Variants in ICE1 observed in about 807,000 individuals in gnomAD.
The protein encoded by ICE1 is interactor of little elongation complex ELL subunit 1.
ICE1 carries 64 observed loss-of-function variants against 192.7 expected under a neutral mutation model. The observed-to-expected ratio is 0.33, with a 90% CI of 0.27 to 0.41. The LOEUF is 0.41. Among genes scored for constraint, ICE1 ranks in the 10% least tolerant of loss-of-function variants. The pLI is 1.00. For synonymous variants in ICE1, 1,010 were observed against 984.5 expected (o/e 1.03, Z -0.49); for missense variants, 2,708 against 2,696.0 (o/e 1.00, Z -0.10).
Position 5,461,085 on chromosome 5 carries a change from A to G in ICE1, c.1751A>G (p.His584Arg), listed in dbSNP as rs903980628. 2 of 1,613,926 alleles carry G rather than the reference A, an allele frequency of 1.2e-6. No individual in the cohort carries two copies. The highest frequency in any genetic ancestry group is 8.5e-7 in the Non-Finnish European group (1 of 1,179,906). The change falls in exon 13 of 19, where the codon CAT becomes CGT. Residue 584 changes from histidine to arginine, a missense_variant. By Grantham distance (29) the His-to-Arg change is conservative. Coordinates refer to ENST00000296564, the MANE Select transcript of ICE1 (RefSeq NM_015325.3). ...SEPDRITVSG[H>R]FHRLSRELEK... is the part of the protein sequence containing the mutation. ...CCAGACCGTATCACAGTTTCTGGCC[A>G]TTTTCACAGACTATCTAGAGAATTG... is the stretch of plus-strand genomic sequence containing the variant.
chr5:5,439,616 G>C (rs1737978987), intron 3 of ICE1, among the ~76,000 whole-genome samples: 1 of 152,094 alleles, frequency 6.6e-6, no homozygotes, highest in African/African-American at 2.4e-5. Context: ...ATATTGCTTT[G>C]TCTTTCTTTT....
intron 14 of ICE1, among the ~76,000 whole-genome samples, chr5:5,467,798 A>T (rs1457210888): frequency 6.6e-6 from 1 of 152,240 alleles, no homozygotes; most frequent in South Asian, 2.1e-4. Flanking sequence ...AACTAAAAAG[A>T]TGTGATTGTA....
Position 5,422,878 on chromosome 5 carries a change from C to A in ICE1, c.-38C>A. The A allele has an allele frequency of 7.5e-7, 1 of 1,329,530 alleles. No individual in the cohort carries two copies. The highest frequency in any genetic ancestry group is 9.6e-7 in the Non-Finnish European group (1 of 1,040,920). The allele number at this position is 1,329,530 out of a possible 1,614,324, so 82.4% of individuals were successfully genotyped here. ...AGGACGGGGCCGACGCCGCGGGCCC[C>A]TGAGGCGTGCGTGCCCACCGGGCCC... On this transcript the variant is annotated 5_prime_UTR_variant, in exon 1 of 19. In the 5' UTR this introduces an upstream ATG that the reference lacks. Transcript: ENST00000296564.
In ICE1 at chr5:5,461,320, A is replaced by C; in HGVS notation, c.1986A>C (p.Lys662Asn). ...GTAATGATACAGATATTACTACTAA[A>C]GTATTCTCTACTGAACCGCATCATT... ...DCGNDTDITTKVFSTEPHHSE... is the reference protein window; with the variant it reads ...DCGNDTDITTNVFSTEPHHSE... The change falls in exon 13 of 19, where the codon AAA (lysine) becomes AAC (asparagine). Residue 662 changes from lysine (K) to asparagine (N), a missense_variant. Lys to Asn is a moderately conservative substitution (Grantham distance 94, BLOSUM62 0). Around this residue, in one of 2 missense-constraint regions of ICE1, gnomAD observed 2,366 missense variants for 2,276.6 expected, o/e 1.04. Coordinates refer to ENST00000296564, the MANE Select transcript of ICE1 (RefSeq NM_015325.3). 1 of 1,613,962 alleles carries C rather than the reference A, an allele frequency of 6.2e-7. No homozygotes were observed. The highest frequency in any genetic ancestry group is 1.1e-5 in the South Asian group (1 of 91,086).
chr5:5,457,744 G>A lies in ICE1; in HGVS notation c.1101+3G>A, dbSNP rs1258093268. On this transcript the variant is annotated splice_donor_region_variant and intron_variant, in intron 12 of 18. Coordinates refer to ENST00000296564, the MANE Select transcript of ICE1 (RefSeq NM_015325.3). Reference sequence around the variant, plus strand: ...CCTTACCGTCTTCATTTGCACCTGTGAGTTTTGCTCTCTGAATTTGAATTA... The same window carrying A: ...CCTTACCGTCTTCATTTGCACCTGTAAGTTTTGCTCTCTGAATTTGAATTA... The A allele has an allele frequency of 6.2e-7, 1 of 1,607,268 alleles. No homozygotes were observed.
At chr5:5,436,769 C>G (rs1737882948) in intron 2 of ICE1, among the ~76,000 whole-genome samples, 1 of 152,160 alleles carries the variant, frequency 6.6e-6, no homozygotes, top group South Asian at 2.1e-4. Flanking sequence ...ACTGCTGGAC[C>G]TCAAACCTCC....
chr5:5,437,504 G>A (rs1344690491), intron 3 of ICE1: 3 of 169,262 alleles, frequency 1.8e-5, no homozygotes, highest in African/African-American at 7.2e-5. Context: ...TCAAAATGTT[G>A]GGCAATTGAC....
At chr5:5,478,350 C>G (rs919235441) in intron 17 of ICE1, among the ~76,000 whole-genome samples, 3 of 152,208 alleles carry the variant, frequency 2.0e-5, no homozygotes, top group South Asian at 4.1e-4. Context: ...TGTGTGAACT[C>G]CCATTCATAA....
At chr5:5,432,613 C>T (rs1320097637) in intron 1 of ICE1, among the ~76,000 whole-genome samples, 1 of 152,150 alleles carries the variant, frequency 6.6e-6, no homozygotes, top group Admixed American at 6.6e-5. Flanking sequence ...GCAGCTGCCC[C>T]ATTTTATATT....
intron 2 of ICE1, 82 bp downstream of exon 2, chr5:5,436,558 G>T (rs1737878162): frequency 2.8e-6 from 2 of 703,898 alleles, no homozygotes; most frequent in African/African-American, 1.9e-5. Context: ...TAGGCCCCCA[G>T]GGCTGGAATG....
chr5:5,464,596 C>A lies in ICE1; in HGVS notation c.5262C>A (p.Thr1754=). Residue 1754 remains threonine, a synonymous_variant, in exon 13 of 19, where the codon ACC becomes ACA. Coordinates refer to ENST00000296564, the MANE Select transcript of ICE1 (RefSeq NM_015325.3). This position sits in a 1 kb window ranked among gnomAD's most constrained non-coding sequence, Gnocchi z 4.0. ...PQENSVKILD[T]MYPELSARAR... ...AGAATTCTGTGAAAATCCTTGACACCATGTATCCAGAGTTATCTGCCAGGG... is the reference window on the plus strand; with the variant it reads ...AGAATTCTGTGAAAATCCTTGACACAATGTATCCAGAGTTATCTGCCAGGG... 9.3e-6 allele frequency: 15 copies of A among 1,611,482 alleles called. No individual in the cohort carries two copies. Among genetic ancestry groups the A allele is most frequent in the Non-Finnish European group, 1.2e-5 (14 of 1,178,578 alleles).
chr5:5,476,839 T>G (rs1579577721), intron 17 of ICE1, among the ~76,000 whole-genome samples: 1 of 152,138 alleles, frequency 6.6e-6, no homozygotes, highest in East Asian at 1.9e-4. Context: ...CGAGGATATC[T>G]TCACACCACC....
chr5:5,435,159 A>G (rs1045645541), intron 1 of ICE1, among the ~76,000 whole-genome samples: 6 of 152,228 alleles, frequency 3.9e-5, no homozygotes, highest in Admixed American at 6.5e-5. Context: ...AGTACATCCA[A>G]AAATATATTT....
Position 5,457,336 on chromosome 5 carries a change from A to G in ICE1, c.696A>G (p.Lys232=), listed in dbSNP as rs1579559213. ...TACTTTTGTTCCCCCACATAGAAAA[A>G]CCTGCCAAAGCAATCACCAGCTCCA... is the stretch of plus-strand genomic sequence containing the variant. ...PGEGSRCVPE[K]PAKAITSSRV... Residue 232 remains lysine, a synonymous_variant, in exon 12 of 19, where the codon AAA becomes AAG. Transcript: ENST00000296564. 6.3e-7 allele frequency: 1 copy of G among 1,591,868 alleles called. No homozygotes were observed. Among genetic ancestry groups the G allele is most frequent in the Admixed American group, 1.8e-5 (1 of 55,602 alleles).
At position 5,462,079 on chromosome 5, in the gene ICE1, C is replaced by G. The variant is rs759234042; in HGVS notation, c.2745C>G (p.Ile915Met). The change falls in exon 13 of 19, where the codon ATC (isoleucine) becomes ATG (methionine). Residue 915 changes from isoleucine to methionine, a missense_variant. Around this residue, in one of 2 missense-constraint regions of ICE1, gnomAD observed 2,366 missense variants for 2,276.6 expected, o/e 1.04. Coordinates refer to ENST00000296564, the MANE Select transcript of ICE1 (RefSeq NM_015325.3). ...DGERDDTTQN[I>M]TEVAAVKSIS... Reference sequence around the variant, plus strand: ...AAAGAGATGATACAACACAAAACATCACGGAGGTGGCTGCTGTGAAAAGCA... The same window carrying G: ...AAAGAGATGATACAACACAAAACATGACGGAGGTGGCTGCTGTGAAAAGCA... 4.4e-5 allele frequency: 71 copies of G among 1,613,806 alleles called. 3 individuals are homozygous for G. In the South Asian group the frequency reaches 7.6e-4, roughly 17 times the overall value.
intron 17 of ICE1, among the ~76,000 whole-genome samples, chr5:5,479,332 C>G (rs986366865): frequency 6.6e-6 from 1 of 152,124 alleles, no homozygotes; most frequent in Non-Finnish European, 1.5e-5. Context: ...GGCCAACAAA[C>G]ATGAAAAAAA....
intron 11 of ICE1, among the ~76,000 whole-genome samples, 153 bp from the exon 12 acceptor site, chr5:5,457,179 T>G (rs753069493): frequency 2.6e-5 from 4 of 152,240 alleles, no homozygotes; most frequent in African/African-American, 4.8e-5. Flanking sequence ...AGGATAATGT[T>G]TAGAAAGCGA....
At chr5:5,480,086 GA>G (rs988011938) in intron 17 of ICE1, among the ~76,000 whole-genome samples, 1 of 151,880 alleles carries the variant, frequency 6.6e-6, no homozygotes. Context: ...TTCCACAACT[GA>G]AAAAAGAAAG....
At chr5:5,440,911 A>G (rs1657268578) in intron 4 of ICE1, among the ~76,000 whole-genome samples, 1 of 151,978 alleles carries the variant, frequency 6.6e-6, no homozygotes, top group South Asian at 2.1e-4. Flanking sequence ...ACAAAAAGAA[A>G]GAAAAGAAAA....
Sources: gnomAD v4.1 joint callset for allele counts (sites outside exome capture counted in the v4.1 genomes callset) on GRCh38, gnomAD v4.1.1 for gene constraint, gnomAD v4.1.1 regional missense constraint, Gnocchi (gnomAD v3.1) non-coding constraint, MANE v1.5 for transcripts, NCBI Gene and HGNC (gene_info 2026-07-23, HGNC 2026-07-21) for gene names.